Variants in EIF4H observed in about 807,000 individuals in gnomAD.
EIF4H encodes the protein eukaryotic translation initiation factor 4H, also known as Williams-Beuren syndrome chromosome region 1.
In EIF4H, 8 loss-of-function variants were observed where a neutral mutation model predicts 30.6. The observed-to-expected ratio is 0.26, with a 90% CI of 0.15 to 0.47. The LOEUF (loss-of-function observed/expected upper bound fraction) is 0.47, where lower values mean the gene tolerates loss of function less well. EIF4H is among the 20% of genes least tolerant of loss of function. The pLI, the probability that EIF4H is intolerant of heterozygous loss-of-function variation, is 0.99. For missense variants in EIF4H, 188 were observed against 339.5 expected (o/e 0.55, Z 3.51); for synonymous variants, 106 against 122.7 (o/e 0.86, Z 0.90).
chr7:74,180,017 T>C (rs1800923599), intron 1 of EIF4H, among the ~76,000 whole-genome samples: 1 of 151,994 alleles, frequency 6.6e-6, no homozygotes, highest in Admixed American at 6.6e-5. Context: ...GTCTGGACAA[T>C]ATGTCCAGAC....
At chr7:74,178,583 AAAGACTTC>A (rs1232541463) in intron 1 of EIF4H, among the ~76,000 whole-genome samples, 9 of 151,846 alleles carry the variant, frequency 5.9e-5, no homozygotes, top group African/African-American at 1.2e-4. Context: ...AGTGTTCTGG[AAAGACTTC>A]ACAATTTTAA....
chr7:74,187,857 G>A (rs1801124327), intron 2 of EIF4H, 59 bp downstream of exon 2: 4 of 1,407,198 alleles, frequency 2.8e-6, no homozygotes, highest in African/African-American at 1.5e-5. Context: ...GATGGGAAGG[G>A]GTTCTAAATA....
At chr7:74,184,857 T>A (rs1554708968) in intron 1 of EIF4H, among the ~76,000 whole-genome samples, 1 of 152,156 alleles carries the variant, frequency 6.6e-6, no homozygotes, top group African/African-American at 2.4e-5. Context: ...GTTTTTGTAT[T>A]TTTAGTAGAG....
chr7:74,187,603 C>T lies in EIF4H; in HGVS notation c.60-8C>T, dbSNP rs1554709361. 1 of 1,562,564 alleles carries T rather than the reference C, an allele frequency of 6.4e-7. No homozygotes were observed. Among genetic ancestry groups the T allele is most frequent in the East Asian group, 2.3e-5 (1 of 43,670 alleles). The stretch of plus-strand genomic sequence containing the variant: ...GCACACTTGAATCCTGTTTGTCTCC[C>T]CTCCTAGGTCCCGCGGCAGTGCTGG... On this transcript the variant is annotated splice_region_variant and splice_polypyrimidine_tract_variant and intron_variant, in intron 1 of 6. Coordinates refer to ENST00000265753, the MANE Select transcript of EIF4H (RefSeq NM_022170.2).
intron 1 of EIF4H, chr7:74,183,852 C>T (rs1801021240): frequency 6.6e-6 from 1 of 152,280 alleles, no homozygotes; most frequent in Admixed American, 6.5e-5. Flanking sequence ...CCAGTGCTAG[C>T]TTGAATGAGG....
chr7:74,181,065 G>T (rs1584175256), intron 1 of EIF4H, among the ~76,000 whole-genome samples: 1 of 152,134 alleles, frequency 6.6e-6, no homozygotes, highest in Admixed American at 6.6e-5. Flanking sequence ...CAATTTAGTG[G>T]CATGGAGTAC....
chr7:74,195,247 A>G lies in EIF4H; in HGVS notation c.686A>G (p.Asn229Ser), dbSNP rs1554710537. 6.2e-7 allele frequency: 1 copy of G among 1,613,718 alleles called. No individual in the cohort carries two copies. The highest frequency in any genetic ancestry group is 8.5e-7 in the Non-Finnish European group (1 of 1,179,798). ...ATPLNQVANP[N>S]SAIFGGARPR... The stretch of plus-strand genomic sequence containing the variant: ...CCCCTCAATCAAGTAGCCAATCCCA[A>G]CTCTGCTATCTTCGGGGGTGCCAGG... The change falls in exon 7 of 7, where the codon AAC becomes AGC. Residue 229 changes from asparagine (N) to serine (S), a missense_variant. Asn to Ser is a conservative substitution (Grantham distance 46, BLOSUM62 1). Coordinates refer to ENST00000265753, the MANE Select transcript of EIF4H (RefSeq NM_022170.2).
At chr7:74,187,865 A>G in intron 2 of EIF4H, 67 bp downstream of exon 2, 1 of 1,432,872 alleles carries the variant, frequency 7.0e-7, no homozygotes, top group Non-Finnish European at 9.3e-7. Flanking sequence ...GGGGTTCTAA[A>G]TAAAAATAGA....
rs531648490 is a variant in EIF4H at position 74,176,560 on chromosome 7, C to G, written c.59+2118C>G. Among the ~76,000 whole-genome samples the G allele has an allele frequency of 3.0e-4, 45 of 152,308 alleles. 3 individuals are homozygous for G. In the South Asian group the frequency reaches 9.1e-3, roughly 31 times the overall value. ...TTGTCTAAAATGCCTCAGACAGGCT[C>G]GTACATCTCACCTCTGAATTACTTG... On this transcript the variant is annotated intron_variant, in intron 1 of 6. Transcript: ENST00000265753.
At chr7:74,184,826 G>T (rs1411732033) in intron 1 of EIF4H, among the ~76,000 whole-genome samples, 4 of 152,070 alleles carry the variant, frequency 2.6e-5, no homozygotes, top group African/African-American at 9.7e-5. Flanking sequence ...GATTACAAGT[G>T]TGTGCTACCA....
chr7:74,184,289 C>T (rs1367464761), intron 1 of EIF4H, among the ~76,000 whole-genome samples: 1 of 152,176 alleles, frequency 6.6e-6, no homozygotes, highest in Non-Finnish European at 1.5e-5. Flanking sequence ...TCAAGTCTGG[C>T]CTGATCTCAG....
intron 1 of EIF4H, among the ~76,000 whole-genome samples, chr7:74,182,998 C>T (rs1362442810): frequency 6.6e-6 from 1 of 152,128 alleles, no homozygotes; most frequent in Non-Finnish European, 1.5e-5. Flanking sequence ...TTGCTTGTGA[C>T]GTGATTTCTC....
At chr7:74,186,419 G>A (rs1485072614) in intron 1 of EIF4H, among the ~76,000 whole-genome samples, 3 of 151,988 alleles carry the variant, frequency 2.0e-5, no homozygotes, top group Admixed American at 2.0e-4. Flanking sequence ...TACCACATTG[G>A]TCAGGCTGAT....
intron 4 of EIF4H, 25 bp from the exon 5 acceptor site, chr7:74,190,222 C>A (rs782132905): frequency 1.9e-6 from 3 of 1,612,546 alleles, no homozygotes; most frequent in Admixed American, 3.3e-5. Flanking sequence ...ACGACCTCAA[C>A]TTTATCTTTT....
rs1205406023 is a variant in EIF4H, at chr7:74,197,053, A to G, written c.*1745A>G. The G allele has an allele frequency of 6.6e-6, 1 of 152,516 alleles. No homozygotes were observed. Among genetic ancestry groups the G allele is most frequent in the African/African-American group, 2.4e-5 (1 of 41,416 alleles). 9.4% of individuals were successfully genotyped at this position (152,516 alleles called of 1,614,324 possible). A position where few individuals can be genotyped will look rare whatever the true frequency, so the allele number is the denominator to read the frequency against. The stretch of plus-strand genomic sequence containing the variant: ...CAGAAAGTAAATCTATGGATATGGT[A>G]TTTTGTGAATGATCTTTTAAATAAA... On this transcript the variant is annotated 3_prime_UTR_variant, in exon 7 of 7. Transcript: ENST00000265753.
At chr7:74,181,385 G>T (rs913751621) in intron 1 of EIF4H, among the ~76,000 whole-genome samples, 1 of 151,940 alleles carries the variant, frequency 6.6e-6, no homozygotes, top group East Asian at 1.9e-4. Context: ...TATGGCTACC[G>T]TAGTAGATGT....
intron 1 of EIF4H, 74 bp from the exon 2 acceptor site, chr7:74,187,537 A>G (rs1801113683): frequency 3.6e-6 from 5 of 1,405,236 alleles, no homozygotes; most frequent in Admixed American, 2.5e-5. Flanking sequence ...GGCGTAGCTC[A>G]GCGGAAGACC....
chr7:74,191,853 C>T (rs1554710008), intron 5 of EIF4H, among the ~76,000 whole-genome samples: 2 of 152,142 alleles, frequency 1.3e-5, no homozygotes, highest in African/African-American at 2.4e-5. Context: ...GATCTCGGCT[C>T]ACTGCAAGCT....
At chr7:74,177,567 A>G (rs1387663051) in intron 1 of EIF4H, among the ~76,000 whole-genome samples, 1 of 152,168 alleles carries the variant, frequency 6.6e-6, no homozygotes, top group Non-Finnish European at 1.5e-5. Context: ...GCATATTTTA[A>G]GATTTGTATG....
Sources: allele counts gnomAD v4.1 joint callset (sites outside exome capture counted in the v4.1 genomes callset), GRCh38; gene constraint gnomAD v4.1.1; transcripts MANE v1.5; gene names NCBI Gene and HGNC (gene_info 2026-07-23, HGNC 2026-07-21).